The following DYNLT2 variants were observed in gnomAD, a reference collection of about 807,000 sequenced individuals.
The protein encoded by DYNLT2 is dynein light chain Tctex-type protein 2.
A neutral mutation model predicts 24.3 loss-of-function variants in DYNLT2; 24 were observed. The ratio of observed to expected loss-of-function variants is 0.99; its 90% CI spans 0.71 to 1.39. The LOEUF is 1.39. Among genes scored for constraint, DYNLT2 ranks in the 40% most tolerant of loss-of-function variants. The probability of loss-of-function intolerance (pLI) is 0.00; values close to 1 mark genes in which losing one functional copy is unlikely to be tolerated. For synonymous variants in DYNLT2, 85 were observed against 85.4 expected (o/e 1.00, Z 0.03); for missense variants, 246 against 234.5 (o/e 1.05, Z -0.32).
chr6:169,735,962 G>T (rs1463678443), downstream of DYNLT2, among the ~76,000 whole-genome samples: 1 of 152,134 alleles, frequency 6.6e-6, no homozygotes, highest in African/African-American at 2.4e-5. Flanking sequence ...ATGAATTTGA[G>T]TGCTCCAGTA....
At chr6:169,750,609 G>C (rs1481415837) in intron 1 of DYNLT2, 1 of 152,128 alleles carries the variant, frequency 6.6e-6, no homozygotes, top group Non-Finnish European at 1.5e-5. Context: ...AGGCCAATTG[G>C]ACCGAGTACT....
the DYNLT2 span, among the ~76,000 whole-genome samples, chr6:169,727,572 G>GA: frequency 6.6e-6 from 1 of 150,500 alleles, no homozygotes; most frequent in Non-Finnish European, 1.5e-5. Flanking sequence ...TTGTTTTTTT[G>GA]TTTTTTTTTG....
chr6:169,740,287 G>T lies in DYNLT2; in HGVS notation c.495C>A (p.Ser165Arg). ...CCCATGCAATGTCCCAGATCCATCT[G>T]CTGGCAATCTGTGAGAGAAATTTTG... is the stretch of plus-strand genomic sequence containing the variant. Reference protein sequence around the residue: ...QKTGQAINIASRWIWDIAWDS... With the variant: ...QKTGQAINIARRWIWDIAWDS... The change falls in exon 4 of 4, where the codon AGC becomes AGA. Residue 165 changes from serine to arginine, a missense_variant. Ser to Arg is a moderately radical substitution (Grantham distance 110). Coordinates refer to ENST00000366774, the MANE Select transcript of DYNLT2 (RefSeq NM_174910.3). 1 of 1,611,382 alleles carries T rather than the reference G, an allele frequency of 6.2e-7. No homozygotes were observed. Among genetic ancestry groups the T allele is most frequent in the Non-Finnish European group, 8.5e-7 (1 of 1,177,856 alleles).
intron 3 of DYNLT2, among the ~76,000 whole-genome samples, chr6:169,742,163 G>A (rs919022546): frequency 6.6e-6 from 1 of 152,142 alleles, no homozygotes; most frequent in Non-Finnish European, 1.5e-5. Context: ...TTACCTTGCT[G>A]TTTATTGAGG....
chr6:169,747,088 G>C (rs531120380), intron 1 of DYNLT2, among the ~76,000 whole-genome samples: 48 of 151,792 alleles, frequency 3.2e-4, no homozygotes, highest in Middle Eastern at 6.8e-3. Context: ...TTTTAGCTGA[G>C]TATAGAATTC....
chr6:169,749,778 C>T (rs531641204), intron 1 of DYNLT2: 1 of 152,256 alleles, frequency 6.6e-6, no homozygotes, highest in African/African-American at 2.4e-5. Context: ...TAAAAGTTAA[C>T]TGAGGTGCTA....
At chr6:169,739,801 A>G (rs1017502406), downstream of DYNLT2, among the ~76,000 whole-genome samples, 1 of 152,182 alleles carries the variant, frequency 6.6e-6, no homozygotes. Flanking sequence ...TCCAAAATCT[A>G]TCTTAACATC....
At chr6:169,737,236 A>G (rs569301472), downstream of DYNLT2, among the ~76,000 whole-genome samples, 1 of 152,306 alleles carries the variant, frequency 6.6e-6, no homozygotes, top group African/African-American at 2.4e-5. Context: ...GAAGGTTCTT[A>G]GCTTCTTTCC....
chr6:169,729,184 G>T, the DYNLT2 span, among the ~76,000 whole-genome samples: 1 of 151,920 alleles, frequency 6.6e-6, no homozygotes, highest in Non-Finnish European at 1.5e-5. Context: ...TCTTTATATC[G>T]GCCATAATTT....
chr6:169,730,512 A>G, the DYNLT2 span, among the ~76,000 whole-genome samples: 1 of 152,210 alleles, frequency 6.6e-6, no homozygotes, highest in Non-Finnish European at 1.5e-5. Flanking sequence ...ACTCCTCTTC[A>G]GGGAAAAGTC....
At chr6:169,741,886 T>C (rs145508287) in intron 3 of DYNLT2, among the ~76,000 whole-genome samples, 336 of 152,304 alleles carry the variant, frequency 2.2e-3, no homozygotes, top group African/African-American at 7.5e-3. Context: ...CTGTATGTCA[T>C]ATGTGGTGCA....
downstream of DYNLT2, among the ~76,000 whole-genome samples, chr6:169,736,752 C>T (rs920777139): frequency 1.3e-5 from 2 of 152,132 alleles, no homozygotes; most frequent in Non-Finnish European, 2.9e-5. Context: ...AACAGGTTTT[C>T]CTTCATTTTA....
At chr6:169,748,666 C>T (rs115359525) in intron 1 of DYNLT2, among the ~76,000 whole-genome samples, 1,651 of 152,288 alleles carry the variant, frequency 0.011, 15 homozygotes, top group African/African-American at 0.023. Context: ...GAATGCTTCT[C>T]TAAGGCAGTG....
the DYNLT2 span, among the ~76,000 whole-genome samples, chr6:169,730,748 A>C: frequency 6.6e-6 from 1 of 152,162 alleles, no homozygotes; most frequent in Non-Finnish European, 1.5e-5. Flanking sequence ...AATACAAAAA[A>C]TTAGCCGGGC....
chr6:169,742,638 G>T (rs1300983995), intron 3 of DYNLT2, among the ~76,000 whole-genome samples: 1 of 151,584 alleles, frequency 6.6e-6, no homozygotes, highest in East Asian at 1.9e-4. Flanking sequence ...TGAGTCTGTT[G>T]CCCAGGCTGG....
chr6:169,750,994 CAT>C (rs1485549694), intron 1 of DYNLT2: 2 of 199,850 alleles, frequency 1.0e-5, no homozygotes, highest in East Asian at 1.3e-4. Flanking sequence ...AATACACTAA[CAT>C]ACTGTGTTTT....
chr6:169,736,812 A>C (rs6940546), downstream of DYNLT2, among the ~76,000 whole-genome samples: 244 of 152,064 alleles, frequency 1.6e-3, 1 homozygote, highest in African/African-American at 5.6e-3. Flanking sequence ...CTTCTCATGG[A>C]GTATCTTAAT....
At position 169,751,392 on chromosome 6, in the gene DYNLT2, C is replaced by T. The variant is rs200900116; in HGVS notation, c.67G>A (p.Ala23Thr). 1 of 1,614,186 alleles carries T rather than the reference C, an allele frequency of 6.2e-7. No homozygotes were observed. Among genetic ancestry groups the T allele is most frequent in the Non-Finnish European group, 8.5e-7 (1 of 1,180,016 alleles). The change falls in exon 1 of 4, where the codon GCT becomes ACT. Residue 23 changes from alanine to threonine, a missense_variant. Transcript: ENST00000366774. ...CTTTCTTTCCTAGGCGTCACCGGAG[C>T]CTGCTGAGGGGTCTGGTTCGGGGTC... The part of the protein sequence containing the change: ...IQTPNQTPQQ[A>T]PVTPRKERRP...
chr6:169,750,114 A>G (rs1789930837), intron 1 of DYNLT2: 1 of 152,248 alleles, frequency 6.6e-6, no homozygotes, highest in Non-Finnish European at 1.5e-5. Flanking sequence ...ATTTTAACCT[A>G]TATACCAGGT....
Sources: allele counts gnomAD v4.1 joint callset (sites outside exome capture counted in the v4.1 genomes callset), GRCh38; gene constraint gnomAD v4.1.1; transcripts MANE v1.5; gene names NCBI Gene and HGNC (gene_info 2026-07-23, HGNC 2026-07-21).